The following DISC1 variants were observed in gnomAD, a reference collection of about 807,000 sequenced individuals.
DISC1 encodes DISC1 scaffold protein, also known as disrupted in schizophrenia 1 protein.
Under a neutral mutation model 84.5 loss-of-function variants are expected in DISC1, and 57 were observed. The ratio of observed to expected loss-of-function variants is 0.67; its 90% CI spans 0.55 to 0.84. DISC1 has a LOEUF of 0.84. Ranked by LOEUF, DISC1 falls within the 40% of genes least tolerant of loss-of-function variation. DISC1 has a pLI of 0.00. For missense variants in DISC1, 1,000 were observed against 1,057.8 expected (o/e 0.95, Z 0.76); for synonymous variants, 411 against 415.2 (o/e 0.99, Z 0.12).
At chr1:231,859,275 T>C (rs1478845581) in intron 9 of DISC1, among the ~76,000 whole-genome samples, 3 of 152,212 alleles carry the variant, frequency 2.0e-5, no homozygotes, top group African/African-American at 4.8e-5. Context: ...CTTAGTCTAT[T>C]TGGGCTGCTG....
chr1:231,865,900 CA>C (rs2085023185), intron 9 of DISC1, among the ~76,000 whole-genome samples: 1 of 152,170 alleles, frequency 6.6e-6, no homozygotes, highest in Non-Finnish European at 1.5e-5. Context: ...AACAGATTTA[CA>C]AGCATTAGAC....
At chr1:231,805,787 C>G (rs1404905162) in intron 8 of DISC1, among the ~76,000 whole-genome samples, 3 of 152,184 alleles carry the variant, frequency 2.0e-5, no homozygotes, top group Non-Finnish European at 2.9e-5. Flanking sequence ...GGACACAGAT[C>G]CAAACCATAT....
chr1:232,017,975 A>C (rs1668632547), intron 11 of DISC1, among the ~76,000 whole-genome samples: 1 of 152,184 alleles, frequency 6.6e-6, no homozygotes, highest in South Asian at 2.1e-4. Context: ...GACTCAACCC[A>C]AGGTGTAACC....
chr1:231,929,128 T>G (rs2090508559), intron 9 of DISC1, among the ~76,000 whole-genome samples: 1 of 152,154 alleles, frequency 6.6e-6, no homozygotes, highest in Non-Finnish European at 1.5e-5. Flanking sequence ...TTTTCTGTCT[T>G]GTTGATCTGT....
At chr1:231,941,792 A>G (rs1466541815) in intron 9 of DISC1, among the ~76,000 whole-genome samples, 1 of 152,074 alleles carries the variant, frequency 6.6e-6, no homozygotes, top group Non-Finnish European at 1.5e-5. Context: ...TTCTAATGGG[A>G]AAGACAAAAA....
chr1:231,920,150 G>A (rs1459763782), intron 9 of DISC1, among the ~76,000 whole-genome samples: 1 of 152,152 alleles, frequency 6.6e-6, no homozygotes, highest in East Asian at 1.9e-4. Flanking sequence ...ATGTCCCTTG[G>A]GGATATAGGG....
intron 9 of DISC1, among the ~76,000 whole-genome samples, chr1:231,879,096 T>C (rs151062015): frequency 1.0e-3 from 158 of 152,236 alleles, no homozygotes; most frequent in African/African-American, 3.6e-3. Context: ...TCCGATTTTT[T>C]TTTTTTTCAG....
At chr1:231,779,569 T>G (rs1025142072) in intron 6 of DISC1, among the ~76,000 whole-genome samples, 19 of 145,286 alleles carry the variant, frequency 1.3e-4, no homozygotes, top group African/African-American at 3.1e-4. Flanking sequence ...TTTTTTTTTT[T>G]TTTTTTTTTA....
intron 9 of DISC1, among the ~76,000 whole-genome samples, chr1:231,892,269 T>C (rs554743491): frequency 6.6e-6 from 1 of 152,330 alleles, no homozygotes; most frequent in Admixed American, 6.5e-5. Flanking sequence ...ATTGATTCTA[T>C]TGGGAATGAT....
At chr1:231,691,991 C>T (rs1217115865) in intron 1 of DISC1, among the ~76,000 whole-genome samples, 1 of 152,208 alleles carries the variant, frequency 6.6e-6, no homozygotes, top group Non-Finnish European at 1.5e-5. Context: ...TGAAATGTTT[C>T]TTCTGCCTTC....
chr1:231,700,500 C>G (rs780042371), intron 2 of DISC1, among the ~76,000 whole-genome samples: 5 of 152,134 alleles, frequency 3.3e-5, no homozygotes, highest in Non-Finnish European at 7.4e-5. Context: ...ATGTGTTAAT[C>G]AACTGTTTAT....
chr1:231,683,204 C>G (rs73115121), intron 1 of DISC1, among the ~76,000 whole-genome samples: 57 of 152,280 alleles, frequency 3.7e-4, no homozygotes, highest in African/African-American at 1.4e-3. Flanking sequence ...GCAACAACCT[C>G]TCTAGCATCA....
chr1:231,845,587 GGGA>G (rs1184681150), intron 9 of DISC1, among the ~76,000 whole-genome samples: 5 of 152,194 alleles, frequency 3.3e-5, no homozygotes, highest in African/African-American at 1.2e-4. Context: ...GCCTGCTTCA[GGGA>G]GAGGGAATGG....
chr1:232,033,238 G>T (rs571717895), intron 12 of DISC1, among the ~76,000 whole-genome samples: 1 of 152,156 alleles, frequency 6.6e-6, no homozygotes, highest in East Asian at 1.9e-4. Flanking sequence ...CCTTCTTAAT[G>T]CCTTTTCCAT....
At chr1:231,855,123 AG>A in intron 9 of DISC1, 4 of 1,007,736 alleles carry the variant, frequency 4.0e-6, no homozygotes, top group Non-Finnish European at 4.7e-6. Flanking sequence ...AAAAAGTTGA[AG>A]AAAATTTTGG....
chr1:231,783,007 A>T (rs1166689257), intron 6 of DISC1, among the ~76,000 whole-genome samples: 3 of 152,190 alleles, frequency 2.0e-5, no homozygotes, highest in Non-Finnish European at 2.9e-5. Context: ...AGTTGTTCCC[A>T]TGGGAGCAAC....
intron 2 of DISC1, among the ~76,000 whole-genome samples, chr1:231,696,546 A>G (rs530966759): frequency 1.3e-5 from 2 of 152,352 alleles, no homozygotes; most frequent in South Asian, 2.1e-4. Context: ...ACAGCTGGGC[A>G]GGGAAAAACA....
intron 6 of DISC1, among the ~76,000 whole-genome samples, chr1:231,783,877 C>T (rs775684434): frequency 1.3e-5 from 2 of 152,156 alleles, no homozygotes; most frequent in South Asian, 2.1e-4. Context: ...GAAATCCTTA[C>T]GTTCATTTTT....
chr1:231,957,852 G>C (rs1336181394), intron 9 of DISC1, among the ~76,000 whole-genome samples: 1 of 152,156 alleles, frequency 6.6e-6, no homozygotes, highest in African/African-American at 2.4e-5. Context: ...GACTGAAATA[G>C]AAGTCTAAGA....
Sources: allele counts gnomAD v4.1 joint callset (sites outside exome capture counted in the v4.1 genomes callset), GRCh38; gene constraint gnomAD v4.1.1; transcripts MANE v1.5; gene names NCBI Gene and HGNC (gene_info 2026-07-23, HGNC 2026-07-21).